C1GALT1: variants seen among roughly 807,000 people sequenced by gnomAD.
C1GALT1 encodes core 1 synthase, glycoprotein-N-acetylgalactosamine 3-beta-galactosyltransferase 1, also known as glycoprotein-N-acetylgalactosamine 3-beta-galactosyltransferase 1.
In C1GALT1, 11 loss-of-function variants were observed where a neutral mutation model predicts 31.0. The ratio of observed to expected loss-of-function variants is 0.36; its 90% CI spans 0.22 to 0.59. The LOEUF (loss-of-function observed/expected upper bound fraction) is 0.59, where lower values mean the gene tolerates loss of function less well. C1GALT1 is among the 20% of genes least tolerant of loss of function. The pLI, the probability that C1GALT1 is intolerant of heterozygous loss-of-function variation, is 0.79. For missense variants in C1GALT1, 424 were observed against 425.2 expected, an observed-to-expected ratio of 1.00 and a Z score of 0.03; for synonymous variants, 175 against 143.6, an observed-to-expected ratio of 1.22 and a Z score of -1.56.
chr7:7,214,261 T>C (rs1006710244), intron 1 of C1GALT1, among the ~76,000 whole-genome samples: 5 of 152,122 alleles, frequency 3.3e-5, no homozygotes, highest in South Asian at 2.1e-4. Flanking sequence ...AAGGTTTTTT[T>C]CCCAAAACAG....
chr7:7,168,044 A>G (rs1780416895), intron 2 of C1GALT1, among the ~76,000 whole-genome samples: 1 of 152,246 alleles, frequency 6.6e-6, no homozygotes, highest in South Asian at 2.1e-4. Flanking sequence ...TCACAGGGGA[A>G]TGAACAAATT....
intron 1 of C1GALT1, among the ~76,000 whole-genome samples, chr7:7,194,575 A>C (rs986149657): frequency 1.3e-5 from 2 of 152,006 alleles, no homozygotes; most frequent in African/African-American, 2.4e-5. Context: ...TCGGCTAGCT[A>C]GTATTTTGTT....
intron 3 of C1GALT1, among the ~76,000 whole-genome samples, chr7:7,240,339 A>T (rs1190394493): frequency 6.6e-6 from 1 of 152,218 alleles, no homozygotes; most frequent in African/African-American, 2.4e-5. Context: ...CATGGTTCAG[A>T]GACCCTGGCC....
At chr7:7,171,259 G>A (rs900900297) in intron 2 of C1GALT1, among the ~76,000 whole-genome samples, 5 of 152,066 alleles carry the variant, frequency 3.3e-5, no homozygotes, top group African/African-American at 1.2e-4. Flanking sequence ...GTCAATATTT[G>A]CTTGAAACAT....
At chr7:7,168,954 C>T (rs561346847) in intron 2 of C1GALT1, among the ~76,000 whole-genome samples, 1 of 152,198 alleles carries the variant, frequency 6.6e-6, no homozygotes, top group African/African-American at 2.4e-5. Flanking sequence ...ATTGTGCAAA[C>T]ACCACCACTA....
upstream of C1GALT1, among the ~76,000 whole-genome samples, chr7:7,181,670 C>A (rs1359621084): frequency 6.6e-6 from 1 of 152,152 alleles, no homozygotes; most frequent in Non-Finnish European, 1.5e-5. Context: ...CCAGCCCGGG[C>A]AGTCTGATTT....
upstream of C1GALT1, among the ~76,000 whole-genome samples, chr7:7,181,089 A>T (rs575194812): frequency 1.2e-3 from 182 of 152,296 alleles, no homozygotes; most frequent in African/African-American, 4.2e-3. Flanking sequence ...TATAACTTTT[A>T]ATAAAATTAA....
At position 7,234,356 on chromosome 7, in the gene C1GALT1, C is replaced by G. The variant is rs1396961534; in HGVS notation, c.37C>G (p.Leu13Val). ...SKSWLNFLTFLCGSAIGFLLC... is the reference protein window; with the variant it reads ...SKSWLNFLTFVCGSAIGFLLC... Reference sequence around the variant, plus strand: ...ATCCTGGCTGAATTTTTTAACCTTCCTCTGTGGATCAGCAATAGGATTTCT... The same window carrying G: ...ATCCTGGCTGAATTTTTTAACCTTCGTCTGTGGATCAGCAATAGGATTTCT... Residue 13 changes from leucine to valine, a missense_variant, in exon 2 of 4, where the codon CTC becomes GTC. Leu to Val is a conservative substitution (Grantham distance 32). This residue lies in a region of C1GALT1 where 189 missense variants were observed against 158.2 expected (regional missense o/e 1.19). Coordinates refer to ENST00000436587, the MANE Select transcript of C1GALT1 (RefSeq NM_020156.5). 4 of 1,613,922 alleles carry G rather than the reference C, an allele frequency of 2.5e-6. No homozygotes were observed. Among genetic ancestry groups the G allele is most frequent in the South Asian group, 2.2e-5 (2 of 91,054 alleles).
At chr7:7,186,432 G>A (rs1291751770) in intron 1 of C1GALT1, among the ~76,000 whole-genome samples, 1 of 152,136 alleles carries the variant, frequency 6.6e-6, no homozygotes, top group Non-Finnish European at 1.5e-5. Context: ...GTGGTCCCTG[G>A]ATCTGCAGCA....
intron 1 of C1GALT1, 192 bp from the exon 2 acceptor site, chr7:7,234,111 C>T: frequency 1.7e-6 from 1 of 575,444 alleles, no homozygotes; most frequent in East Asian, 2.9e-5. Flanking sequence ...GACTGTCCTA[C>T]TAATTAATCT....
Position 7,245,953 on chromosome 7 carries a change from A to G in C1GALT1, c.*2226A>G, listed in dbSNP as rs1177493823. 6.6e-6 allele frequency: 1 copy of G among 152,184 alleles called. No individual in the cohort carries two copies. The highest frequency in any genetic ancestry group is 1.5e-5 in the Non-Finnish European group (1 of 68,034). 9.4% of individuals were successfully genotyped at this position (152,184 alleles called of 1,614,324 possible). ...CCTACCTCACAGGATTTTTATGAGG[A>G]TTAAATAAATGTAAGGTTTTTAGAA... On this transcript the variant is annotated 3_prime_UTR_variant, in exon 4 of 4. Coordinates refer to ENST00000436587, the MANE Select transcript of C1GALT1 (RefSeq NM_020156.5).
In C1GALT1 at chr7:7,245,925, C is replaced by T. The variant is rs1783827262; in HGVS notation, c.*2198C>T. On this transcript the variant is annotated 3_prime_UTR_variant, in exon 4 of 4. Coordinates refer to ENST00000436587, the MANE Select transcript of C1GALT1 (RefSeq NM_020156.5). ...CATCTTTTAATTAGGGATGATAATA[C>T]TACCTACCTCACAGGATTTTTATGA... 1 of 152,142 alleles carries T rather than the reference C, an allele frequency of 6.6e-6. No homozygotes were observed. Among genetic ancestry groups the T allele is most frequent in the Non-Finnish European group, 1.5e-5 (1 of 68,018 alleles). The allele number at this position is 152,142 out of a possible 1,614,324, so 9.4% of individuals were successfully genotyped here.
intron 1 of C1GALT1, among the ~76,000 whole-genome samples, chr7:7,214,513 T>C (rs920660514): frequency 2.0e-5 from 3 of 152,212 alleles, no homozygotes; most frequent in Non-Finnish European, 4.4e-5. Flanking sequence ...AAGGAAATCC[T>C]TTTAAATCCC....
chr7:7,239,911 T>G (rs1783545467), intron 3 of C1GALT1, among the ~76,000 whole-genome samples: 1 of 152,212 alleles, frequency 6.6e-6, no homozygotes, highest in African/African-American at 2.4e-5. Context: ...CTGTGTTCAC[T>G]ATTATAAGCA....
intron 3 of C1GALT1, among the ~76,000 whole-genome samples, chr7:7,242,531 GA>G (rs1413428005): frequency 2.0e-5 from 3 of 151,846 alleles, no homozygotes; most frequent in African/African-American, 7.3e-5. Context: ...TCTTCTCTTG[GA>G]ACTTGCCAGA....
At chr7:7,212,424 T>C (rs1234842341) in intron 1 of C1GALT1, among the ~76,000 whole-genome samples, 1 of 152,092 alleles carries the variant, frequency 6.6e-6, no homozygotes, top group East Asian at 1.9e-4. Context: ...GAAAGAAAAA[T>C]GGATTCTTAC....
At chr7:7,229,452 C>A (rs1782962382) in intron 1 of C1GALT1, among the ~76,000 whole-genome samples, 1 of 152,102 alleles carries the variant, frequency 6.6e-6, no homozygotes, top group Non-Finnish European at 1.5e-5. Context: ...CTTCTCTTGG[C>A]TTCATGTTTT....
intron 1 of C1GALT1, among the ~76,000 whole-genome samples, chr7:7,214,604 A>C (rs1782146088): frequency 6.6e-6 from 1 of 152,226 alleles, no homozygotes; most frequent in Non-Finnish European, 1.5e-5. Context: ...AGGTGAAACC[A>C]ACAAGGCTTA....
chr7:7,220,193 A>G (rs1419052296), intron 1 of C1GALT1, among the ~76,000 whole-genome samples: 1 of 152,252 alleles, frequency 6.6e-6, no homozygotes, highest in African/African-American at 2.4e-5. Context: ...TAAAATTAAT[A>G]GGAATTTACA....
Sources: allele counts gnomAD v4.1 joint callset (sites outside exome capture counted in the v4.1 genomes callset), GRCh38; gene constraint gnomAD v4.1.1; regional missense constraint gnomAD v4.1.1; transcripts MANE v1.5; gene names NCBI Gene and HGNC (gene_info 2026-07-23, HGNC 2026-07-21).